The following RBFOX1 variants were observed in gnomAD, a reference collection of about 807,000 sequenced individuals.
RBFOX1 encodes RNA binding protein fox-1 homolog 1.
Under a neutral mutation model 57.7 loss-of-function variants are expected in RBFOX1, and 8 were observed. The observed-to-expected ratio is 0.14, with a 90% CI of 0.08 to 0.25. The LOEUF (loss-of-function observed/expected upper bound fraction) is 0.25. Ranked by LOEUF, RBFOX1 falls within the 10% of genes least tolerant of loss-of-function variation. The probability of loss-of-function intolerance (pLI) is 1.00; values close to 1 mark genes in which losing one functional copy is unlikely to be tolerated. For missense variants in RBFOX1, 611 were observed against 548.5 expected (o/e 1.11, Z -1.14); for synonymous variants, 326 against 222.4 (o/e 1.47, Z -4.15).
At chr16:6,305,205 A>G (rs1268754422) in intron 1 of RBFOX1, among the ~76,000 whole-genome samples, 2 of 152,228 alleles carry the variant, frequency 1.3e-5, no homozygotes, top group Non-Finnish European at 2.9e-5. Context: ...CATTGAGAGC[A>G]AATATAGCAC....
chr16:6,786,602 C>G (rs1292766448), intron 3 of RBFOX1, among the ~76,000 whole-genome samples: 1 of 152,126 alleles, frequency 6.6e-6, no homozygotes, highest in Non-Finnish European at 1.5e-5. Context: ...AAAGCTGGTT[C>G]CCCTGATCCT....
intron 4 of RBFOX1, among the ~76,000 whole-genome samples, chr16:5,937,607 T>G (rs1163716149): frequency 3.3e-5 from 5 of 150,592 alleles, no homozygotes; most frequent in African/African-American, 1.2e-4. Flanking sequence ...GTTTTATATA[T>G]ATAGCTACAT....
intron 3 of RBFOX1, among the ~76,000 whole-genome samples, chr16:6,712,138 A>G (rs1436001986): frequency 6.6e-6 from 1 of 152,204 alleles, no homozygotes; most frequent in Non-Finnish European, 1.5e-5. Flanking sequence ...TGAATGAATG[A>G]ATGATGGAAT....
intron 3 of RBFOX1, among the ~76,000 whole-genome samples, chr16:5,777,710 C>G (rs2054192223): frequency 6.6e-6 from 1 of 152,192 alleles, no homozygotes; most frequent in Admixed American, 6.5e-5. Flanking sequence ...GTGACCATCA[C>G]ACAGGGAAAC....
chr16:6,739,146 A>C (rs977126450), intron 3 of RBFOX1, among the ~76,000 whole-genome samples: 8 of 152,112 alleles, frequency 5.3e-5, no homozygotes, highest in African/African-American at 1.7e-4. Context: ...AATTGGAGCA[A>C]AAGTCAATGA....
chr16:7,192,385 G>A (rs935845431), intron 4 of RBFOX1, among the ~76,000 whole-genome samples: 2 of 152,284 alleles, frequency 1.3e-5, no homozygotes, highest in African/African-American at 4.8e-5. Context: ...CTGAATCCTA[G>A]TAGTGTTTGC....
At chr16:6,790,067 A>G (rs1203633016) in intron 3 of RBFOX1, among the ~76,000 whole-genome samples, 2 of 136,146 alleles carry the variant, frequency 1.5e-5, no homozygotes, top group African/African-American at 2.5e-5. Flanking sequence ...AGATTTAATA[A>G]ACTTATTTAT....
chr16:5,275,420 C>A (rs1405761207), intron 1 of RBFOX1, among the ~76,000 whole-genome samples: 2 of 152,122 alleles, frequency 1.3e-5, no homozygotes, highest in Non-Finnish European at 2.9e-5. Flanking sequence ...GGCTGAGAAT[C>A]AAATCAAACC....
intron 3 of RBFOX1, among the ~76,000 whole-genome samples, chr16:6,887,177 T>C (rs1466484203): frequency 6.6e-6 from 1 of 152,228 alleles, no homozygotes; most frequent in African/African-American, 2.4e-5. Context: ...GTTGGTATAC[T>C]CTTTAGCACT....
chr16:7,136,031 G>C (rs1600606457), intron 4 of RBFOX1, among the ~76,000 whole-genome samples: 1 of 152,232 alleles, frequency 6.6e-6, no homozygotes, highest in Non-Finnish European at 1.5e-5. Context: ...AAGCCTGAAG[G>C]AGTAATGTGG....
At chr16:7,009,261 C>A (rs200559426) in intron 3 of RBFOX1, among the ~76,000 whole-genome samples, 1 of 137,304 alleles carries the variant, frequency 7.3e-6, no homozygotes, top group Non-Finnish European at 1.5e-5. Flanking sequence ...TCCTTCCTCT[C>A]CTTCCTCTTC....
chr16:7,281,064 A>G (rs985565499), intron 4 of RBFOX1, among the ~76,000 whole-genome samples: 1 of 146,192 alleles, frequency 6.8e-6, no homozygotes, highest in Admixed American at 7.1e-5. Context: ...GTGCAGTGGC[A>G]CAGTCTTGGC....
At chr16:6,654,546 C>T (rs1200592913) in intron 2 of RBFOX1, 57 bp from the exon 3 acceptor site, 6 of 1,356,226 alleles carry the variant, frequency 4.4e-6, no homozygotes, top group Non-Finnish European at 5.9e-6. Flanking sequence ...TGTTCTCTGA[C>T]CATAAGTCTG....
intron 11 of RBFOX1, among the ~76,000 whole-genome samples, chr16:7,641,799 A>G (rs1481262659): frequency 6.6e-6 from 1 of 152,158 alleles, no homozygotes; most frequent in East Asian, 1.9e-4. Flanking sequence ...ACCTTGGCCA[A>G]GTCTCCTCGC....
chr16:7,520,445 C>T (rs912993035), intron 5 of RBFOX1, among the ~76,000 whole-genome samples: 3 of 152,158 alleles, frequency 2.0e-5, no homozygotes, highest in Non-Finnish European at 2.9e-5. Context: ...CTCCCCGGCC[C>T]CTGGCAACCA....
intron 2 of RBFOX1, among the ~76,000 whole-genome samples, chr16:6,495,249 G>T (rs1013494921): frequency 6.6e-6 from 1 of 152,110 alleles, no homozygotes; most frequent in African/African-American, 2.4e-5. Flanking sequence ...CTCCTGAATT[G>T]CTGGGATTAT....
At chr16:7,697,402 C>G (rs535060696) in intron 14 of RBFOX1, among the ~76,000 whole-genome samples, 158 of 152,256 alleles carry the variant, frequency 1.0e-3, no homozygotes, top group South Asian at 1.9e-3. Flanking sequence ...AAAGCAAACC[C>G]TTTATCCCTG....
chr16:6,635,989 T>G (rs182963464), intron 2 of RBFOX1, among the ~76,000 whole-genome samples: 2 of 152,328 alleles, frequency 1.3e-5, no homozygotes, highest in Non-Finnish European at 2.9e-5. Flanking sequence ...ATGCTTTATA[T>G]GCACATCATA....
intron 4 of RBFOX1, among the ~76,000 whole-genome samples, chr16:7,476,301 C>A (rs2062692274): frequency 6.6e-6 from 1 of 152,164 alleles, no homozygotes; most frequent in Admixed American, 6.5e-5. Flanking sequence ...GAATTCTTAC[C>A]CTCACAATTA....
Sources: gnomAD v4.1 joint callset for allele counts (sites outside exome capture counted in the v4.1 genomes callset) on GRCh38, gnomAD v4.1.1 for gene constraint, MANE v1.5 for transcripts, NCBI Gene and HGNC (gene_info 2026-07-23, HGNC 2026-07-21) for gene names.